The following ITGB3BP variants were observed in gnomAD, a reference collection of about 807,000 sequenced individuals.
ITGB3BP encodes the protein integrin subunit beta 3 binding protein.
In ITGB3BP, 27 loss-of-function variants were observed where a neutral mutation model predicts 29.1. That is an observed-to-expected ratio of 0.93 (90% CI 0.68 to 1.28). ITGB3BP has a LOEUF of 1.28. ITGB3BP is among the 50% of genes most tolerant of loss of function. ITGB3BP has a pLI of 0.00. For synonymous variants in ITGB3BP, 61 were observed against 61.4 expected (o/e 0.99, Z 0.03); for missense variants, 192 against 200.2 (o/e 0.96, Z 0.25).
chr1:63,485,411 G>A (rs375520551), intron 3 of ITGB3BP, among the ~76,000 whole-genome samples: 5 of 145,590 alleles, frequency 3.4e-5, no homozygotes, highest in South Asian at 4.4e-4. Context: ...TTTTTCACCC[G>A]CCCTCCAATT....
At chr1:63,446,746 C>A in intron 8 of ITGB3BP, 60 bp downstream of exon 8, 1 of 1,185,548 alleles carries the variant, frequency 8.4e-7, no homozygotes, top group Non-Finnish European at 1.2e-6. Flanking sequence ...ATGTTTCCAC[C>A]TGAACAAAAC....
chr1:63,474,697 T>A (rs1021673192), intron 4 of ITGB3BP, among the ~76,000 whole-genome samples: 12 of 151,860 alleles, frequency 7.9e-5, no homozygotes, highest in Non-Finnish European at 2.9e-5. Context: ...GAAGGCAGCA[T>A]GCTCGTTAAG....
At chr1:63,472,437 TCCCTCTCCCTCTCCCCTCTCCCCTCTC>T (rs1463594536) in intron 4 of ITGB3BP, among the ~76,000 whole-genome samples, 1 of 105,684 alleles carries the variant, frequency 9.5e-6, no homozygotes, top group Non-Finnish European at 1.9e-5. Flanking sequence ...ATCCACCCTC[TCCCTCTCCCTCTCCCCTCTCCCCTCTC>T]CCCTCTCCCC....
chr1:63,500,755 C>CT (rs369228887), intron 2 of ITGB3BP, among the ~76,000 whole-genome samples: 336 of 151,340 alleles, frequency 2.2e-3, no homozygotes, highest in Non-Finnish European at 3.5e-3. Flanking sequence ...ATTCCAATGC[C>CT]TTTTTTTTTC....
chr1:63,488,017 ATAAAC>A (rs1393897243), intron 3 of ITGB3BP, among the ~76,000 whole-genome samples: 1 of 152,166 alleles, frequency 6.6e-6, no homozygotes, highest in African/African-American at 2.4e-5. Context: ...TGTTAAATGT[ATAAAC>A]TAAAGAGTTG....
intron 4 of ITGB3BP, among the ~76,000 whole-genome samples, chr1:63,463,579 T>G (rs1645053616): frequency 6.6e-6 from 1 of 152,134 alleles, no homozygotes; most frequent in Non-Finnish European, 1.5e-5. Context: ...AAAATAAAAC[T>G]TACAGGACAG....
rs570634637 is a variant in ITGB3BP, at chr1:63,497,462, GA to G, written c.49-7245del. ...GAGTCATAGTAGCTAAAGAGAAAGG[GA>G]GTTTCATTTACCTGCCGTAAAAGCA... On this transcript the variant is annotated intron_variant, in intron 2 of 8. Transcript: ENST00000271002. 2.5e-3 allele frequency among the ~76,000 whole-genome samples: 377 copies of G among 152,184 alleles called. 1 individual carries two copies. The highest frequency in any genetic ancestry group is 8.7e-3 in the African/African-American group (360 of 41,524).
At chr1:63,516,116 G>T (rs926429237) in intron 1 of ITGB3BP, among the ~76,000 whole-genome samples, 4 of 150,574 alleles carry the variant, frequency 2.7e-5, no homozygotes, top group African/African-American at 9.8e-5. Context: ...TATCTTAACT[G>T]GAATAACTCA....
chr1:63,463,176 G>A (rs538013982), intron 4 of ITGB3BP, among the ~76,000 whole-genome samples: 42 of 150,248 alleles, frequency 2.8e-4, no homozygotes, highest in Middle Eastern at 3.4e-3. Context: ...TTGAACCCAG[G>A]TGGTGGAGGT....
intron 4 of ITGB3BP, among the ~76,000 whole-genome samples, chr1:63,474,689 A>G (rs1370432645): frequency 6.6e-6 from 1 of 151,930 alleles, no homozygotes; most frequent in Non-Finnish European, 1.5e-5. Context: ...AGATGCTTGA[A>G]GGCAGCATGC....
At chr1:63,494,424 T>C (rs544738216) in intron 2 of ITGB3BP, among the ~76,000 whole-genome samples, 15 of 152,316 alleles carry the variant, frequency 9.8e-5, no homozygotes, top group Non-Finnish European at 1.2e-4. Context: ...CAACCCCAAC[T>C]ACCTTCTTAT....
chr1:63,447,637 G>C, intron 7 of ITGB3BP: 1 of 486,142 alleles, frequency 2.1e-6, no homozygotes, highest in South Asian at 1.5e-5. Flanking sequence ...GCAGGAGTTT[G>C]TAAGACAGAG....
chr1:63,446,924 G>A, intron 7 of ITGB3BP, 68 bp from the exon 8 acceptor site: 2 of 1,142,800 alleles, frequency 1.8e-6, no homozygotes, highest in South Asian at 1.3e-5. Context: ...AGTATATGAT[G>A]CAGAATAAAT....
chr1:63,509,587 C>T (rs919432700), intron 1 of ITGB3BP, among the ~76,000 whole-genome samples: 12 of 152,024 alleles, frequency 7.9e-5, no homozygotes, highest in African/African-American at 2.9e-4. Flanking sequence ...AAGAGATGGT[C>T]AATCTAAGAA....
At chr1:63,483,226 T>C (rs1232679573) in intron 3 of ITGB3BP, among the ~76,000 whole-genome samples, 1 of 152,196 alleles carries the variant, frequency 6.6e-6, no homozygotes, top group African/African-American at 2.4e-5. Context: ...ATATTAAACC[T>C]TGTCATATTT....
intron 3 of ITGB3BP, among the ~76,000 whole-genome samples, chr1:63,481,499 A>G (rs1645436930): frequency 6.6e-6 from 1 of 152,314 alleles, no homozygotes; most frequent in Admixed American, 6.5e-5. Context: ...AAAGCACTAT[A>G]GAGTCTATAT....
chr1:63,508,682 T>A, intron 1 of ITGB3BP, 112 bp from the exon 2 acceptor site: 1 of 536,670 alleles, frequency 1.9e-6, no homozygotes, highest in Non-Finnish European at 3.3e-6. Context: ...CAACCAATTT[T>A]TATATTATGT....
intron 3 of ITGB3BP, 49 bp from the exon 4 acceptor site, chr1:63,478,882 T>C (rs748684313): frequency 1.2e-5 from 8 of 671,098 alleles, no homozygotes; most frequent in African/African-American, 1.9e-5. Context: ...GGAGAAATCA[T>C]CAAATTTTAA....
intron 2 of ITGB3BP, among the ~76,000 whole-genome samples, chr1:63,494,797 T>A (rs536551733): frequency 6.6e-6 from 1 of 152,296 alleles, no homozygotes; most frequent in African/African-American, 2.4e-5. Context: ...GTCATTCTCT[T>A]ACACTGTAAT....
Sources: allele counts gnomAD v4.1 joint callset (sites outside exome capture counted in the v4.1 genomes callset), GRCh38; gene constraint gnomAD v4.1.1; transcripts MANE v1.5; gene names NCBI Gene and HGNC (gene_info 2026-07-23, HGNC 2026-07-21).